The following DNAL1 variants were observed in gnomAD, a reference collection of about 807,000 sequenced individuals.
The protein encoded by DNAL1 is chromosome 14 open reading frame 168.
A neutral mutation model predicts 29.4 loss-of-function variants in DNAL1; 17 were observed. The ratio of observed to expected loss-of-function variants is 0.58; its 90% CI spans 0.40 to 0.87. The LOEUF is 0.87. Among genes scored for constraint, DNAL1 ranks in the 40% least tolerant of loss-of-function variants. The probability of loss-of-function intolerance (pLI) is 0.00; values close to 1 mark genes in which losing one functional copy is unlikely to be tolerated. For synonymous variants in DNAL1, 78 were observed against 76.3 expected, an observed-to-expected ratio of 1.02 and a Z score of -0.12; for missense variants, 188 against 214.1, an observed-to-expected ratio of 0.88 and a Z score of 0.76.
intron 5 of DNAL1, among the ~76,000 whole-genome samples, chr14:73,677,461 G>A (rs971047156): frequency 1.7e-4 from 26 of 150,946 alleles, no homozygotes; most frequent in East Asian, 5.8e-4. Flanking sequence ...CACTGTTCGC[G>A]GCAAGTACCG....
chr14:73,657,425 C>T lies in DNAL1; in HGVS notation c.43-1422C>T, dbSNP rs187815511. 7.2e-5 allele frequency among the ~76,000 whole-genome samples: 11 copies of T among 152,290 alleles called. No homozygotes were observed. In the East Asian group the frequency reaches 1.9e-3, roughly 27 times the overall value. On this transcript the variant is annotated intron_variant, in intron 2 of 7. Transcript: ENST00000553645. ...CCAACTCTTGGGCTCAAGCAGTCCT[C>T]CTGCTTTGGCCTCCCAGATTGCTGG...
At chr14:73,684,894 T>C (rs189057238) in intron 5 of DNAL1, among the ~76,000 whole-genome samples, 74 of 151,740 alleles carry the variant, frequency 4.9e-4, no homozygotes, top group Admixed American at 7.9e-4. Flanking sequence ...ACTCTGTCTC[T>C]AAACTAAAAA....
chr14:73,675,587 C>T (rs187813677), intron 5 of DNAL1, among the ~76,000 whole-genome samples: 7 of 152,066 alleles, frequency 4.6e-5, no homozygotes, highest in East Asian at 1.9e-4. Context: ...GAATTACAGG[C>T]GTGAGCCACT....
At chr14:73,649,884 T>TA (rs1387320788) in intron 1 of DNAL1, among the ~76,000 whole-genome samples, 2 of 152,232 alleles carry the variant, frequency 1.3e-5, no homozygotes, top group African/African-American at 2.4e-5. Context: ...GCATATAACT[T>TA]ACACACATCC....
At chr14:73,675,268 C>G (rs1157292043) in intron 5 of DNAL1, among the ~76,000 whole-genome samples, 1 of 150,988 alleles carries the variant, frequency 6.6e-6, no homozygotes, top group Non-Finnish European at 1.5e-5. Context: ...TTTTTGTTTG[C>G]TTAGAGACAG....
intron 7 of DNAL1, among the ~76,000 whole-genome samples, chr14:73,690,587 G>A (rs1892149171): frequency 6.6e-6 from 1 of 151,880 alleles, no homozygotes. Context: ...GGGAGGCGGA[G>A]GTTGTGGTGA....
Position 73,645,024 on chromosome 14 carries a change from A to G in DNAL1, c.-16A>G, listed in dbSNP as rs754640610. The G allele has an allele frequency of 2.5e-6, 4 of 1,609,462 alleles. No homozygotes were observed. In the African/African-American group the frequency reaches 4.0e-5, roughly 16 times the overall value. ...GGGCCCTAGCAACCAGAGCAGTGACAGTAGCAACCGCCGGAATGGTGAGTA... is the reference window on the plus strand; with the variant it reads ...GGGCCCTAGCAACCAGAGCAGTGACGGTAGCAACCGCCGGAATGGTGAGTA... On this transcript the variant is annotated 5_prime_UTR_variant, in exon 1 of 8. Transcript: ENST00000553645.
At chr14:73,689,994 C>T (rs1002704669) in intron 7 of DNAL1, among the ~76,000 whole-genome samples, 3 of 148,216 alleles carry the variant, frequency 2.0e-5, no homozygotes, top group African/African-American at 7.5e-5. Context: ...TGAGATTGTG[C>T]CATTGCACTC....
chr14:73,681,306 A>C (rs1477967823), intron 5 of DNAL1, among the ~76,000 whole-genome samples: 3 of 150,878 alleles, frequency 2.0e-5, no homozygotes, highest in Non-Finnish European at 4.4e-5. Context: ...GCTAGTTTTT[A>C]TATTTTTTAC....
chr14:73,645,210 GGGGGTGGTCTGTGGTGAGGGCGGCCT>G (rs1404557589), intron 1 of DNAL1, among the ~76,000 whole-genome samples, 168 bp downstream of exon 1: 2 of 152,172 alleles, frequency 1.3e-5, no homozygotes, highest in African/African-American at 4.8e-5. Context: ...AGCCCTGGCC[GGGGGTGGTCTGTGGTGAGGGCGGCCT>G]GGGGTGGATC....
chr14:73,675,588 G>A (rs1435510276), intron 5 of DNAL1, among the ~76,000 whole-genome samples: 1 of 151,938 alleles, frequency 6.6e-6, no homozygotes, highest in Non-Finnish European at 1.5e-5. Context: ...AATTACAGGC[G>A]TGAGCCACTG....
intron 5 of DNAL1, among the ~76,000 whole-genome samples, chr14:73,682,701 T>C (rs1185617562): frequency 6.6e-6 from 1 of 151,916 alleles, no homozygotes; most frequent in African/African-American, 2.4e-5. Context: ...ACACATACAT[T>C]AGCCTAGGCC....
In DNAL1 at chr14:73,699,798, G is replaced by A. The variant is rs780614288; in HGVS notation, c.*3856G>A. 6.6e-6 allele frequency: 1 copy of A among 152,098 alleles called. No individual in the cohort carries two copies. Among genetic ancestry groups the A allele is most frequent in the Non-Finnish European group, 1.5e-5 (1 of 68,028 alleles). 9.4% of individuals were successfully genotyped at this position (152,098 alleles called of 1,614,324 possible). ...TGATAGATTTTGCTTTGTCTCTAAAGTTTAATATTTTGAGTGTACTTTAGA... is the reference window on the plus strand; with the variant it reads ...TGATAGATTTTGCTTTGTCTCTAAAATTTAATATTTTGAGTGTACTTTAGA... On this transcript the variant is annotated 3_prime_UTR_variant, in exon 8 of 8. Coordinates refer to ENST00000553645, the MANE Select transcript of DNAL1 (RefSeq NM_031427.4).
intron 4 of DNAL1, among the ~76,000 whole-genome samples, chr14:73,666,960 C>CT (rs369816401): frequency 7.6e-4 from 110 of 144,370 alleles, no homozygotes; most frequent in South Asian, 5.5e-3. Flanking sequence ...TATCCCTTCT[C>CT]TTTTTTTTTT....
intron 4 of DNAL1, among the ~76,000 whole-genome samples, chr14:73,663,911 A>T (rs552068664): frequency 1.3e-5 from 2 of 151,954 alleles, no homozygotes; most frequent in Non-Finnish European, 2.9e-5. Flanking sequence ...TGTCTGCACA[A>T]CTCCCCCTTA....
At chr14:73,688,053 G>T (rs1011115635) in intron 6 of DNAL1, among the ~76,000 whole-genome samples, 5 of 151,860 alleles carry the variant, frequency 3.3e-5, no homozygotes, top group African/African-American at 1.2e-4. Context: ...AATCTGATAG[G>T]TCCTGGTCCT....
At chr14:73,655,789 A>G (rs1292555877) in intron 2 of DNAL1, among the ~76,000 whole-genome samples, 1 of 152,174 alleles carries the variant, frequency 6.6e-6, no homozygotes, top group African/African-American at 2.4e-5. Context: ...ATTGTGGACA[A>G]TGTAAATCAT....
At chr14:73,668,503 A>T (rs1891540609) in intron 4 of DNAL1, among the ~76,000 whole-genome samples, 2 of 152,270 alleles carry the variant, frequency 1.3e-5, no homozygotes, top group South Asian at 4.1e-4. Context: ...GTTATATGGG[A>T]TATATTAATT....
intron 2 of DNAL1, among the ~76,000 whole-genome samples, chr14:73,656,989 G>C (rs571867648): frequency 9.0e-4 from 135 of 150,828 alleles, no homozygotes; most frequent in African/African-American, 3.2e-3. Context: ...TCACTATATT[G>C]CCCAGGCTGG....
Sources: gnomAD v4.1 joint callset for allele counts (sites outside exome capture counted in the v4.1 genomes callset) on GRCh38, gnomAD v4.1.1 for gene constraint, MANE v1.5 for transcripts, NCBI Gene and HGNC (gene_info 2026-07-23, HGNC 2026-07-21) for gene names.